The following REDIC1 variants were observed in gnomAD, a reference collection of about 807,000 sequenced individuals.
REDIC1 encodes the protein HEI10 Interacting Protein 1.
the REDIC1 span, among the ~76,000 whole-genome samples, chr12:39,771,371 G>C: frequency 6.6e-6 from 1 of 152,170 alleles, no homozygotes; most frequent in African/African-American, 2.4e-5. Flanking sequence ...TCCCTTGCTG[G>C]TTTTGGAGAA....
At chr12:39,738,940 G>A in the REDIC1 span, among the ~76,000 whole-genome samples, 646 of 152,132 alleles carry the variant, frequency 4.2e-3, 4 homozygotes, top group Middle Eastern at 0.031. Context: ...AAATGTCATT[G>A]CCATATACTA....
At chr12:39,866,647 T>A in the REDIC1 span, among the ~76,000 whole-genome samples, 1 of 152,032 alleles carries the variant, frequency 6.6e-6, no homozygotes, top group Non-Finnish European at 1.5e-5. Flanking sequence ...GCCCGGCTAA[T>A]TTTTTGTATT....
chr12:39,686,850 C>A, the REDIC1 span, among the ~76,000 whole-genome samples: 1 of 152,220 alleles, frequency 6.6e-6, no homozygotes, highest in Non-Finnish European at 1.5e-5. Context: ...TATGAAGCAG[C>A]TGGTCCATAT....
the REDIC1 span, among the ~76,000 whole-genome samples, chr12:39,700,644 CA>C: frequency 4.6e-5 from 7 of 151,876 alleles, no homozygotes; most frequent in Non-Finnish European, 1.0e-4. Flanking sequence ...TCAGATTCAC[CA>C]AAGTTGAAAT....
chr12:39,748,775 C>T, the REDIC1 span, among the ~76,000 whole-genome samples: 1 of 152,196 alleles, frequency 6.6e-6, no homozygotes, highest in African/African-American at 2.4e-5. Flanking sequence ...TCACTCAAAA[C>T]CACTCAACTA....
the REDIC1 span, among the ~76,000 whole-genome samples, chr12:39,820,153 G>A: frequency 6.6e-6 from 1 of 151,978 alleles, no homozygotes; most frequent in Non-Finnish European, 1.5e-5. Flanking sequence ...ATTTTTGGAG[G>A]GTTCCAGGAA....
chr12:39,900,836 TA>T, the REDIC1 span, among the ~76,000 whole-genome samples: 1 of 152,112 alleles, frequency 6.6e-6, no homozygotes, highest in African/African-American at 2.4e-5. Flanking sequence ...TGGAAAAAAC[TA>T]CTTTAAAGTT....
the REDIC1 span, among the ~76,000 whole-genome samples, chr12:39,803,329 A>C: frequency 6.6e-6 from 1 of 152,312 alleles, no homozygotes; most frequent in East Asian, 1.9e-4. Flanking sequence ...ATGAGGAAAC[A>C]ATCTACCGTG....
the REDIC1 span, among the ~76,000 whole-genome samples, chr12:39,820,717 TTATATATATATATATATATATATA>T: frequency 0.011 from 1,482 of 132,566 alleles, 20 homozygotes; most frequent in Non-Finnish European, 0.018. Flanking sequence ...ATTTTTAAAT[TTATATATATATATATATATATATA>T]TATATATATA....
chr12:39,853,366 T>C, the REDIC1 span, among the ~76,000 whole-genome samples: 3 of 152,096 alleles, frequency 2.0e-5, no homozygotes, highest in Non-Finnish European at 4.4e-5. Flanking sequence ...ATATACTATC[T>C]TTATGACAGA....
At chr12:39,713,559 C>G in the REDIC1 span, among the ~76,000 whole-genome samples, 780 of 149,020 alleles carry the variant, frequency 5.2e-3, 3 homozygotes, top group South Asian at 0.029. Flanking sequence ...TGCGTGCATA[C>G]ATGTGTACGC....
the REDIC1 span, among the ~76,000 whole-genome samples, chr12:39,812,378 T>C: frequency 8.1e-6 from 1 of 122,896 alleles, no homozygotes; most frequent in Admixed American, 8.0e-5. Context: ...TTTTCTTTTC[T>C]TTTCTTTCTT....
At chr12:39,862,735 T>C in the REDIC1 span, among the ~76,000 whole-genome samples, 1 of 152,202 alleles carries the variant, frequency 6.6e-6, no homozygotes, top group African/African-American at 2.4e-5. Context: ...GTATGCATAA[T>C]AGTGGACCAT....
chr12:39,764,663 G>GA, the REDIC1 span: 1 of 1,581,052 alleles, frequency 6.3e-7, no homozygotes, highest in Non-Finnish European at 8.6e-7. Context: ...TAAGAAATTT[G>GA]AAAAATTATA....
the REDIC1 span, among the ~76,000 whole-genome samples, chr12:39,840,926 C>G: frequency 5.3e-5 from 8 of 152,030 alleles, no homozygotes; most frequent in Admixed American, 1.3e-4. Context: ...TGGTAGTTCC[C>G]TTTCTCTGTA....
At chr12:39,796,399 G>A in the REDIC1 span, among the ~76,000 whole-genome samples, 1 of 142,558 alleles carries the variant, frequency 7.0e-6, no homozygotes, top group African/African-American at 2.6e-5. Context: ...AGATCACCCT[G>A]GCCAACACAG....
the REDIC1 span, among the ~76,000 whole-genome samples, chr12:39,806,991 T>C: frequency 2.0e-5 from 3 of 152,190 alleles, no homozygotes; most frequent in Non-Finnish European, 4.4e-5. Flanking sequence ...TACGATCCTA[T>C]TTATTAAACG....
the REDIC1 span, among the ~76,000 whole-genome samples, chr12:39,844,514 A>C: frequency 6.6e-6 from 1 of 152,112 alleles, no homozygotes; most frequent in Non-Finnish European, 1.5e-5. Flanking sequence ...ATAAAAGTTC[A>C]AAAGCAACTC....
At chr12:39,831,425 G>A in the REDIC1 span, among the ~76,000 whole-genome samples, 2 of 152,288 alleles carry the variant, frequency 1.3e-5, no homozygotes, top group East Asian at 3.9e-4. Context: ...GATACTATGG[G>A]TTGTGAAAGG....
Sources: allele counts gnomAD v4.1 joint callset (sites outside exome capture counted in the v4.1 genomes callset), GRCh38; gene constraint gnomAD v4.1.1; transcripts MANE v1.5; gene names NCBI Gene and HGNC (gene_info 2026-07-23, HGNC 2026-07-21).